Variants in ZDHHC15 observed in about 807,000 individuals in gnomAD.
The protein encoded by ZDHHC15 is palmitoyltransferase ZDHHC15.
ZDHHC15 carries 19 observed loss-of-function variants against 31.7 expected under a neutral mutation model. The observed-to-expected ratio is 0.60, with a 90% CI of 0.42 to 0.88. The LOEUF (loss-of-function observed/expected upper bound fraction) is 0.88, where lower values mean the gene tolerates loss of function less well. Ranked by LOEUF, ZDHHC15 falls within the 40% of genes least tolerant of loss-of-function variation. ZDHHC15 has a pLI of 0.00. For missense variants in ZDHHC15, 209 were observed against 251.2 expected (o/e 0.83, Z 1.14); for synonymous variants, 103 against 90.0 (o/e 1.14, Z -0.82).
At chrX:75,487,104 C>T (rs1019377580) in intron 2 of ZDHHC15, among the ~76,000 whole-genome samples, 1 of 111,904 alleles carries the variant, frequency 8.9e-6, no homozygotes, top group Non-Finnish European at 1.9e-5. Context: ...CATAACAGAA[C>T]AACCCTGATC....
chrX:75,486,484 C>G (rs1451849467), intron 2 of ZDHHC15, among the ~76,000 whole-genome samples: 1 of 112,344 alleles, frequency 8.9e-6, no homozygotes, highest in Non-Finnish European at 1.9e-5. Flanking sequence ...TCAGAAAGCT[C>G]AGATATAAGC....
At chrX:75,376,257 TG>T (rs1199199883) in intron 11 of ZDHHC15, among the ~76,000 whole-genome samples, 2 of 56,571 alleles carry the variant, frequency 3.5e-5, no homozygotes, top group East Asian at 3.0e-4. Flanking sequence ...TTAATGGGGT[TG>T]TTTTTTTTTT....
chrX:75,417,090 G>A lies in ZDHHC15; in HGVS notation c.964C>T (p.Gln322Ter). 8.3e-7 allele frequency: 1 copy of A among 1,202,714 alleles called. No homozygotes were observed. Among genetic ancestry groups the A allele is most frequent in the Non-Finnish European group, 1.1e-6 (1 of 888,360 alleles). Residue 322 changes from glutamine (Q) to a stop codon, truncating the protein, a stop_gained, in exon 10 of 12, where the codon CAA becomes TAA. Coordinates refer to ENST00000373367, the MANE Select transcript of ZDHHC15 (RefSeq NM_144969.3). LOFTEE classifies it high-confidence loss of function. ...ETWEDNEDDN[Q>*]DYPEGSSSLA... is the part of the protein sequence containing the mutation. ...CATAGTCTTTGACCCCACTTACCTT[G>A]GTTGTCATCCTCGTTGTCTTCCCAG...
intron 2 of ZDHHC15, among the ~76,000 whole-genome samples, chrX:75,481,636 T>C (rs763222439): frequency 3.6e-5 from 4 of 111,984 alleles, no homozygotes; most frequent in Non-Finnish European, 7.5e-5. Context: ...GGTGAGACCA[T>C]AGAGATCATT....
intron 1 of ZDHHC15, among the ~76,000 whole-genome samples, chrX:75,507,433 G>A (rs1469555540): frequency 9.0e-6 from 1 of 110,718 alleles, no homozygotes; most frequent in Non-Finnish European, 1.9e-5. Flanking sequence ...TCTAAAAGAT[G>A]TGGCACTTAT....
rs55847003 is a variant in ZDHHC15 at position 75,463,575 on chromosome X, T to TACAACAACAACAACAACA, written c.259-12671_259-12654dup. On this transcript the variant is annotated intron_variant, in intron 3 of 11. Coordinates refer to ENST00000373367, the MANE Select transcript of ZDHHC15 (RefSeq NM_144969.3). ...CCAGAATCTATAAAGAACTCAAATT[T>TACAACAACAACAACAACA]ACAACAACAACAACAACAACAACAA... is the stretch of plus-strand genomic sequence containing the variant. Among the ~76,000 whole-genome samples the TACAACAACAACAACAACA allele has an allele frequency of 0.015, 1,528 of 100,714 alleles. 33 individuals carry two copies. The East Asian group carries it at 0.16, about 10-fold the overall frequency. 87.5% of individuals were successfully genotyped at this position (100,714 alleles called of 115,157 possible).
At chrX:75,428,982 A>G in intron 7 of ZDHHC15, 96 bp downstream of exon 7, 1 of 1,111,178 alleles carries the variant, frequency 9.0e-7, no homozygotes, top group Non-Finnish European at 1.2e-6. Context: ...AGTATTAGCT[A>G]TTTAAAAATG....
intron 4 of ZDHHC15, among the ~76,000 whole-genome samples, chrX:75,437,932 G>T (rs2083885903): frequency 9.1e-6 from 1 of 110,048 alleles, no homozygotes. Flanking sequence ...AAATTTACAA[G>T]AAAAAAACAA....
intron 10 of ZDHHC15, among the ~76,000 whole-genome samples, chrX:75,401,363 C>A (rs79331064): frequency 2.7e-5 from 3 of 111,336 alleles, no homozygotes; most frequent in Admixed American, 9.5e-5. Context: ...GCTAATAGTA[C>A]AATGACAGGA....
chrX:75,468,864 G>A (rs1343249112), intron 3 of ZDHHC15, among the ~76,000 whole-genome samples: 2 of 111,457 alleles, frequency 1.8e-5, no homozygotes, highest in Non-Finnish European at 1.9e-5. Context: ...TATATTCTTT[G>A]GAGACATGTC....
chrX:75,502,449 T>C (rs1454477673), intron 2 of ZDHHC15, among the ~76,000 whole-genome samples: 1 of 112,060 alleles, frequency 8.9e-6, no homozygotes, highest in African/African-American at 3.2e-5. Context: ...AGAAATTACA[T>C]CTGTTTCTGA....
At chrX:75,419,255 A>C in intron 9 of ZDHHC15, among the ~76,000 whole-genome samples, 1 of 111,916 alleles carries the variant, frequency 8.9e-6, no homozygotes. Flanking sequence ...ATTTACAAGA[A>C]AAAAACAAAC....
At chrX:75,494,576 A>G (rs2084957803) in intron 2 of ZDHHC15, among the ~76,000 whole-genome samples, 1 of 112,265 alleles carries the variant, frequency 8.9e-6, no homozygotes, top group South Asian at 3.7e-4. Context: ...TACTTGTACC[A>G]AAACAGATAT....
At chrX:75,490,135 G>C (rs1385730460) in intron 2 of ZDHHC15, among the ~76,000 whole-genome samples, 2 of 111,978 alleles carry the variant, frequency 1.8e-5, no homozygotes, top group East Asian at 2.8e-4. Flanking sequence ...GAAAGTGACA[G>C]GGAGAATGGA....
chrX:75,370,376 T>C lies in ZDHHC15; in HGVS notation c.*2602A>G, dbSNP rs1022895279. 9.0e-6 allele frequency: 1 copy of C among 111,313 alleles called. No individual in the cohort carries two copies. Among genetic ancestry groups the C allele is most frequent in the Non-Finnish European group, 1.9e-5 (1 of 53,071 alleles). The allele number at this position is 111,313 out of a possible 1,213,427, so 9.2% of individuals were successfully genotyped here. Reference sequence around the variant, plus strand: ...TATTCTTGATTAATAATCAACCAGTTGGGTACCTATGTACATTAGTCAATA... The same window carrying C: ...TATTCTTGATTAATAATCAACCAGTCGGGTACCTATGTACATTAGTCAATA... On this transcript the variant is annotated 3_prime_UTR_variant, in exon 12 of 12. Coordinates refer to ENST00000373367, the MANE Select transcript of ZDHHC15 (RefSeq NM_144969.3).
intron 7 of ZDHHC15, among the ~76,000 whole-genome samples, chrX:75,426,963 T>C (rs1050325734): frequency 9.0e-6 from 1 of 111,536 alleles, no homozygotes; most frequent in Non-Finnish European, 1.9e-5. Flanking sequence ...CTTCACAGGG[T>C]TGTGGTAAGG....
chrX:75,490,536 T>C (rs951234750), intron 2 of ZDHHC15, among the ~76,000 whole-genome samples: 1 of 111,607 alleles, frequency 9.0e-6, no homozygotes, highest in Admixed American at 9.5e-5. Flanking sequence ...AGAAAGTCAT[T>C]GGTAGCTTGA....
chrX:75,437,673 A>T (rs1312954438), intron 4 of ZDHHC15, among the ~76,000 whole-genome samples: 1 of 105,016 alleles, frequency 9.5e-6, no homozygotes, highest in African/African-American at 3.5e-5. Flanking sequence ...CATTTTCTTA[A>T]TCCAGTCTAT....
At chrX:75,507,023 G>A (rs1033492929) in intron 1 of ZDHHC15, among the ~76,000 whole-genome samples, 1 of 111,040 alleles carries the variant, frequency 9.0e-6, no homozygotes, top group East Asian at 2.8e-4. Context: ...ATACAGGAGT[G>A]GGAGCCGGTG....
Sources: allele counts gnomAD v4.1 joint callset (sites outside exome capture counted in the v4.1 genomes callset), GRCh38; gene constraint gnomAD v4.1.1; transcripts MANE v1.5; gene names NCBI Gene and HGNC (gene_info 2026-07-23, HGNC 2026-07-21).